The following EXD1 variants were observed in gnomAD, a reference collection of about 807,000 sequenced individuals.
EXD1 encodes the protein piRNA biogenesis protein EXD1.
A neutral mutation model predicts 49.1 loss-of-function variants in EXD1; 63 were observed. That is an observed-to-expected ratio of 1.28 (90% confidence interval 1.05 to 1.58). The LOEUF is 1.58. Among genes scored for constraint, EXD1 ranks in the 40% most tolerant of loss-of-function variants. The pLI is 0.00. For synonymous variants in EXD1, 234 were observed against 239.2 expected, an observed-to-expected ratio of 0.98 and a Z score of 0.20; for missense variants, 748 against 666.0, an observed-to-expected ratio of 1.12 and a Z score of -1.36.
At chr15:41,193,902 A>T (rs947805404) in intron 9 of EXD1, among the ~76,000 whole-genome samples, 1 of 151,876 alleles carries the variant, frequency 6.6e-6, no homozygotes, top group African/African-American at 2.4e-5. Context: ...CCTGTATCTT[A>T]CATGCAAAAG....
chr15:41,224,861 G>A (rs937812277), intron 2 of EXD1, among the ~76,000 whole-genome samples: 8 of 152,112 alleles, frequency 5.3e-5, no homozygotes, highest in African/African-American at 1.9e-4. Context: ...TACTCAGGAG[G>A]CTGAGGTGGG....
chr15:41,215,751 G>A, intron 6 of EXD1, 24 bp downstream of exon 6: 1 of 1,608,556 alleles, frequency 6.2e-7, no homozygotes, highest in Non-Finnish European at 8.5e-7. Context: ...GGCAATACTA[G>A]TAATGATTGA....
intron 1 of EXD1, among the ~76,000 whole-genome samples, chr15:41,227,526 G>C (rs1288805904): frequency 6.6e-6 from 1 of 151,098 alleles, no homozygotes; most frequent in East Asian, 2.0e-4. Flanking sequence ...AAAATTAGCC[G>C]GGTGTGGTGG....
chr15:41,203,865 C>T (rs1047219964), intron 7 of EXD1, among the ~76,000 whole-genome samples: 1 of 120,144 alleles, frequency 8.3e-6, no homozygotes, highest in African/African-American at 3.3e-5. Flanking sequence ...TGCAGTGAGC[C>T]AAGATCGTGC....
chr15:41,192,717 G>A (rs1292094815), intron 9 of EXD1, among the ~76,000 whole-genome samples: 1 of 142,980 alleles, frequency 7.0e-6, no homozygotes, highest in African/African-American at 2.6e-5. Context: ...CAAGTTCAAG[G>A]GATCTTCCCA....
At chr15:41,217,051 T>C (rs112142481) in intron 4 of EXD1, 46 bp downstream of exon 4, 1 of 1,545,588 alleles carries the variant, frequency 6.5e-7, no homozygotes, top group South Asian at 1.1e-5. Context: ...TACCCTAATG[T>C]GCACATTTGG....
At chr15:41,189,176 T>C (rs1357632641) in intron 11 of EXD1, among the ~76,000 whole-genome samples, 1 of 151,876 alleles carries the variant, frequency 6.6e-6, no homozygotes, top group African/African-American at 2.4e-5. Flanking sequence ...AAGACCAGCC[T>C]GGCCAACATG....
intron 7 of EXD1, among the ~76,000 whole-genome samples, chr15:41,202,824 G>A (rs965003458): frequency 5.3e-5 from 8 of 151,612 alleles, no homozygotes; most frequent in East Asian, 2.0e-4. Context: ...AGGCTGAGGC[G>A]CGAGAATCGC....
chr15:41,228,523 GA>G (rs778462107), intron 1 of EXD1, among the ~76,000 whole-genome samples: 1 of 152,156 alleles, frequency 6.6e-6, no homozygotes, highest in Non-Finnish European at 1.5e-5. Context: ...TCTAGGGTAG[GA>G]TGTTTGTAGT....
intron 9 of EXD1, among the ~76,000 whole-genome samples, chr15:41,194,199 G>C (rs1359929130): frequency 2.0e-5 from 3 of 151,912 alleles, no homozygotes; most frequent in African/African-American, 7.3e-5. Context: ...TTTTAGTAGA[G>C]ACAGGGTTTC....
intron 11 of EXD1, 108 bp downstream of exon 11, chr15:41,189,829 C>T: frequency 9.1e-7 from 1 of 1,099,034 alleles, no homozygotes. Flanking sequence ...TATTTATCCC[C>T]AAGTTGACCC....
chr15:41,228,024 T>A (rs188567934), intron 1 of EXD1, among the ~76,000 whole-genome samples: 3 of 152,296 alleles, frequency 2.0e-5, no homozygotes, highest in African/African-American at 7.2e-5. Flanking sequence ...CACTCCAGCC[T>A]GGGAGACAAG....
intron 1 of EXD1, among the ~76,000 whole-genome samples, chr15:41,230,231 G>A (rs1050572115): frequency 6.6e-6 from 1 of 151,764 alleles, no homozygotes; most frequent in African/African-American, 2.4e-5. Flanking sequence ...TTACAGGCAC[G>A]CGGCACCACA....
At position 41,195,780 on chromosome 15, in the gene EXD1, T is replaced by C. The variant is rs776743619; in HGVS notation, c.715A>G (p.Thr239Ala). 3 of 1,612,400 alleles carry C rather than the reference T, an allele frequency of 1.9e-6. No individual in the cohort carries two copies. Among genetic ancestry groups the C allele is most frequent in the Non-Finnish European group, 2.5e-6 (3 of 1,179,406 alleles). ...CAGTGCTTCCCTTCATGTACCTGTGTGTCAAAGACATTATTCAGCAAAATT... is the reference window on the plus strand; with the variant it reads ...CAGTGCTTCCCTTCATGTACCTGTGCGTCAAAGACATTATTCAGCAAAATT... Reference protein sequence around the residue: ...YGILLNNVFDTQVADVLQFSM... With the variant: ...YGILLNNVFDAQVADVLQFSM... The change falls in exon 9 of 12, where the codon ACA (threonine) becomes GCA (alanine). Residue 239 changes from threonine to alanine, a missense_variant. Coordinates refer to ENST00000458580, the MANE Select transcript of EXD1 (RefSeq NM_001286441.2).
chr15:41,187,621 G>A lies in EXD1; in HGVS notation c.1056+2316C>T, dbSNP rs2046434638. On this transcript the variant is annotated intron_variant, in intron 11 of 11. Coordinates refer to ENST00000458580, the MANE Select transcript of EXD1 (RefSeq NM_001286441.2). The stretch of plus-strand genomic sequence containing the variant: ...ATAAGATAATCATAACACTTTCTTG[G>A]CTCTACTGAAATGTATGATTTTGTC... 2.0e-5 allele frequency among the ~76,000 whole-genome samples: 3 copies of A among 152,072 alleles called. No homozygotes were observed. The East Asian group carries it at 5.8e-4, about 29-fold the overall frequency.
At chr15:41,195,546 G>A (rs2046595136) in intron 9 of EXD1, among the ~76,000 whole-genome samples, 1 of 151,662 alleles carries the variant, frequency 6.6e-6, no homozygotes, top group Non-Finnish European at 1.5e-5. Flanking sequence ...AGCAAAATGA[G>A]GAAAACATCT....
At position 41,183,688 on chromosome 15, in the gene EXD1, C is replaced by T. The variant is rs1595415004; in HGVS notation, c.*243G>A. 2.6e-5 allele frequency: 10 copies of T among 382,028 alleles called. No individual in the cohort carries two copies. In the East Asian group the frequency reaches 4.2e-4, roughly 16 times the overall value. The allele number at this position is 382,028 out of a possible 1,614,324, so 23.7% of individuals were successfully genotyped here. On this transcript the variant is annotated 3_prime_UTR_variant, in exon 12 of 12. Transcript: ENST00000458580. ...AACCCAAATTATGAAAAATAATGCA[C>T]TCTGGTCACTGAGAACATTTCTACA...
chr15:41,215,492 C>G (rs2046985950), intron 6 of EXD1, among the ~76,000 whole-genome samples: 1 of 152,110 alleles, frequency 6.6e-6, no homozygotes, highest in Non-Finnish European at 1.5e-5. Context: ...CGAGACCATC[C>G]TGGCTAACAC....
chr15:41,219,872 C>A lies in EXD1; in HGVS notation c.160G>T (p.Val54Phe). The change falls in exon 3 of 12, where the codon GTC (valine) becomes TTC (phenylalanine). Residue 54 changes from valine to phenylalanine, a missense_variant. Val to Phe is a conservative substitution (Grantham distance 50). Transcript: ENST00000458580. ...CCAAAAAACAACTTCACTCCTGGGA[C>A]ACTTCGACCTGTCTCCACATTCTTC... ...KVKNVETGRS[V>F]PGVKLFFGHE... 6.5e-7 allele frequency: 1 copy of A among 1,535,690 alleles called. No individual in the cohort carries two copies. Among genetic ancestry groups the A allele is most frequent in the South Asian group, 1.2e-5 (1 of 84,004 alleles).
Sources: gnomAD v4.1 joint callset for allele counts (sites outside exome capture counted in the v4.1 genomes callset) on GRCh38, gnomAD v4.1.1 for gene constraint, MANE v1.5 for transcripts, NCBI Gene and HGNC (gene_info 2026-07-23, HGNC 2026-07-21) for gene names.